Variants in EYS observed in about 807,000 individuals in gnomAD.
EYS encodes the protein EGF-like photoreceptor maintenance factor.
In EYS, 250 loss-of-function variants were observed where a neutral mutation model predicts 282.1. That is an observed-to-expected ratio of 0.89 (90% CI 0.80 to 0.98). The LOEUF (loss-of-function observed/expected upper bound fraction) is 0.98, where lower values mean the gene tolerates loss of function less well. EYS is among the 50% of genes least tolerant of loss of function. EYS has a pLI of 0.00. For synonymous variants in EYS, 1,355 were observed against 1,282.9 expected (o/e 1.06, Z -1.20); for missense variants, 4,016 against 3,709.0 (o/e 1.08, Z -2.15).
chr6:64,611,371 T>G (rs1767112129), intron 24 of EYS, among the ~76,000 whole-genome samples: 1 of 152,210 alleles, frequency 6.6e-6, no homozygotes, highest in Non-Finnish European at 1.5e-5. Context: ...GAGAAATCTT[T>G]CCTAACGACT....
intron 26 of EYS, among the ~76,000 whole-genome samples, chr6:64,526,589 A>G (rs1777927574): frequency 6.6e-6 from 1 of 151,870 alleles, no homozygotes; most frequent in African/African-American, 2.4e-5. Flanking sequence ...CAATATGACT[A>G]CATTTCAATA....
chr6:65,596,360 G>A (rs887825021), intron 2 of EYS, among the ~76,000 whole-genome samples: 4 of 152,006 alleles, frequency 2.6e-5, no homozygotes, highest in Admixed American at 6.6e-5. Flanking sequence ...TTGGTTATGT[G>A]ATATATGTGA....
chr6:64,317,221 T>C (rs1770006594), intron 29 of EYS, among the ~76,000 whole-genome samples: 2 of 151,622 alleles, frequency 1.3e-5, no homozygotes, highest in African/African-American at 4.8e-5. Context: ...TGACATCTAA[T>C]TAAAGAGCTT....
rs555991786 is a variant in EYS at position 65,464,260 on chromosome 6, T to C, written c.862+26334A>G. Among the ~76,000 whole-genome samples, 4 of 152,278 alleles carry C rather than the reference T, an allele frequency of 2.6e-5. No individual in the cohort carries two copies. In the South Asian group the frequency reaches 8.3e-4, roughly 32 times the overall value. On this transcript the variant is annotated intron_variant, in intron 5 of 42. Transcript: ENST00000503581. ...GAGATATGAAGCAAAGAAGACTTTT[T>C]GGATACAGTTTGTAAGATTAGATAT...
At chr6:65,256,453 T>C (rs1767469182) in intron 12 of EYS, among the ~76,000 whole-genome samples, 3 of 132,012 alleles carry the variant, frequency 2.3e-5, no homozygotes, top group Non-Finnish European at 3.2e-5. Flanking sequence ...CAGAGTGTGA[T>C]ATTCCCCTTC....
chr6:65,636,882 C>T (rs1004833491), intron 2 of EYS, among the ~76,000 whole-genome samples: 2 of 152,154 alleles, frequency 1.3e-5, no homozygotes, highest in African/African-American at 4.8e-5. Flanking sequence ...CATCACAGCT[C>T]ATCAATGCAG....
chr6:65,288,785 C>T (rs1768441546), intron 12 of EYS, among the ~76,000 whole-genome samples: 1 of 150,984 alleles, frequency 6.6e-6, no homozygotes, highest in Non-Finnish European at 1.5e-5. Flanking sequence ...TACATATGCA[C>T]ATATATGTGA....
chr6:64,393,746 A>G (rs1238167200), intron 28 of EYS, among the ~76,000 whole-genome samples: 1 of 150,916 alleles, frequency 6.6e-6, no homozygotes, highest in Non-Finnish European at 1.5e-5. Flanking sequence ...CTCTCTCACC[A>G]CTCCTATTCA....
intron 9 of EYS, among the ~76,000 whole-genome samples, chr6:65,346,977 T>C (rs562937082): frequency 1.3e-5 from 2 of 152,000 alleles, no homozygotes; most frequent in Admixed American, 6.6e-5. Context: ...TTACTCTTTT[T>C]CTTAATAACC....
At chr6:63,932,519 C>T (rs1764926061) in intron 35 of EYS, among the ~76,000 whole-genome samples, 1 of 152,172 alleles carries the variant, frequency 6.6e-6, no homozygotes, top group Admixed American at 6.5e-5. Context: ...TGGCACTCCT[C>T]CTTCAGGGAA....
chr6:64,678,360 C>T (rs1274243299), intron 22 of EYS, among the ~76,000 whole-genome samples: 1 of 151,810 alleles, frequency 6.6e-6, no homozygotes, highest in Non-Finnish European at 1.5e-5. Flanking sequence ...GGCAGATCAC[C>T]TGAGGTCCGG....
chr6:65,375,627 T>C (rs1765335766), intron 8 of EYS, among the ~76,000 whole-genome samples: 1 of 152,024 alleles, frequency 6.6e-6, no homozygotes, highest in Non-Finnish European at 1.5e-5. Flanking sequence ...GCTAAGAACC[T>C]TGACAAAAGG....
At chr6:65,077,710 G>A (rs1044252237) in intron 12 of EYS, among the ~76,000 whole-genome samples, 1 of 151,950 alleles carries the variant, frequency 6.6e-6, no homozygotes, top group African/African-American at 2.4e-5. Context: ...ATGTCAGATA[G>A]ATAACAGAAT....
chr6:64,304,351 A>G (rs144868964), intron 30 of EYS, among the ~76,000 whole-genome samples: 237 of 152,368 alleles, frequency 1.6e-3, no homozygotes, highest in Non-Finnish European at 2.6e-3. Context: ...GTGGAGAATT[A>G]AATAGCCACT....
intron 40 of EYS, among the ~76,000 whole-genome samples, chr6:63,766,179 C>T (rs1469634922): frequency 9.2e-5 from 14 of 151,936 alleles, no homozygotes. Context: ...GTTGCAATAA[C>T]CGAACTCTGC....
intron 19 of EYS, among the ~76,000 whole-genome samples, chr6:64,823,179 TTACC>T (rs1398531626): frequency 6.6e-6 from 1 of 151,890 alleles, no homozygotes. Context: ...CAAACGTTTA[TTACC>T]TACAAGAATT....
At chr6:64,912,364 C>G in intron 16 of EYS, 120 bp downstream of exon 16, 1 of 781,884 alleles carries the variant, frequency 1.3e-6, no homozygotes, top group Non-Finnish European at 2.1e-6. Context: ...AGTCCCCTAC[C>G]CACAATGTAC....
intron 34 of EYS, among the ~76,000 whole-genome samples, chr6:63,994,342 A>G (rs1446243320): frequency 1.3e-5 from 2 of 151,972 alleles, no homozygotes; most frequent in Non-Finnish European, 2.9e-5. Flanking sequence ...TTATGCAACA[A>G]TTACTCTAAT....
intron 26 of EYS, among the ~76,000 whole-genome samples, chr6:64,583,290 A>G (rs1160620507): frequency 6.6e-6 from 1 of 152,142 alleles, no homozygotes; most frequent in Admixed American, 6.6e-5. Context: ...ACCCTGGGAC[A>G]TAAACATTAT....
Sources: gnomAD v4.1 joint callset for allele counts (sites outside exome capture counted in the v4.1 genomes callset) on GRCh38, gnomAD v4.1.1 for gene constraint, MANE v1.5 for transcripts, NCBI Gene and HGNC (gene_info 2026-07-23, HGNC 2026-07-21) for gene names.